The following FASTKD2 variants were observed in gnomAD, a reference collection of about 807,000 sequenced individuals.
FASTKD2 encodes the protein FAST kinase domains 2, also known as FAST kinase domain-containing protein 2, mitochondrial.
FASTKD2 carries 51 observed loss-of-function variants against 63.6 expected under a neutral mutation model. That is an observed-to-expected ratio of 0.80 (90% CI 0.64 to 1.01). The LOEUF is 1.01. Among genes scored for constraint, FASTKD2 ranks in the 50% least tolerant of loss-of-function variants. FASTKD2 has a pLI of 0.00. For synonymous variants in FASTKD2, 284 were observed against 293.4 expected, an observed-to-expected ratio of 0.97 and a Z score of 0.33; for missense variants, 786 against 831.1, an observed-to-expected ratio of 0.95 and a Z score of 0.67.
At chr2:206,788,754 A>T in intron 9 of FASTKD2, 65 bp from the exon 10 acceptor site, 2 of 831,380 alleles carry the variant, frequency 2.4e-6, no homozygotes, top group Non-Finnish European at 3.9e-6. Flanking sequence ...AAAAAGGAAA[A>T]GAAAAGAAAA....
At chr2:206,771,523 A>G (rs1315569453) in intron 4 of FASTKD2, among the ~76,000 whole-genome samples, 1 of 152,010 alleles carries the variant, frequency 6.6e-6, no homozygotes, top group Admixed American at 6.6e-5. Context: ...TTGTTTAAAA[A>G]TAAATGTTTA....
At chr2:206,790,805 A>G (rs1407425160) in intron 11 of FASTKD2, 119 bp downstream of exon 11, 1 of 745,138 alleles carries the variant, frequency 1.3e-6, no homozygotes, top group Non-Finnish European at 2.5e-6. Flanking sequence ...CATTATTGGA[A>G]TGAGTGCTTT....
At chr2:206,783,941 C>T (rs1009740351) in intron 7 of FASTKD2, among the ~76,000 whole-genome samples, 3 of 152,110 alleles carry the variant, frequency 2.0e-5, no homozygotes, top group Non-Finnish European at 2.9e-5. Context: ...CCAGGGGTGC[C>T]GCTAACATCC....
rs772888524 is a variant in FASTKD2 at position 206,788,908 on chromosome 2, C to T, written c.1898+5C>T. 2 of 1,452,224 alleles carry T rather than the reference C, an allele frequency of 1.4e-6. No homozygotes were observed. Among genetic ancestry groups the T allele is most frequent in the Non-Finnish European group, 1.9e-6 (2 of 1,033,070 alleles). 90.0% of individuals were successfully genotyped at this position (1,452,224 alleles called of 1,614,324 possible). A position where few individuals can be genotyped will look rare whatever the true frequency, so the allele number is the denominator to read the frequency against. The stretch of plus-strand genomic sequence containing the variant: ...TTCTGCTACAGATATTCAAAGGTTG[C>T]TTACATATATTTCATTTGCTGGGCT... On this transcript the variant is annotated splice_donor_5th_base_variant and intron_variant, in intron 10 of 11. Transcript: ENST00000402774.
In FASTKD2 at chr2:206,787,975, A is replaced by G. The variant is rs948481381; in HGVS notation, c.1633A>G (p.Thr545Ala). 1 of 1,612,766 alleles carries G rather than the reference A, an allele frequency of 6.2e-7. No individual in the cohort carries two copies. Among genetic ancestry groups the G allele is most frequent in the African/African-American group, 1.3e-5 (1 of 74,868 alleles). The change falls in exon 9 of 12, where the codon ACT becomes GCT. Residue 545 changes from threonine to alanine, a missense_variant. Coordinates refer to ENST00000402774, the MANE Select transcript of FASTKD2 (RefSeq NM_001136193.2). ...TGCTTACAAGCTGCATACTTTGGAT[A>G]CTTGTCTAAAACTTGATGATACTGT... ...KNAYKLHTLD[T>A]CLKLDDTVYL...
chr2:206,767,130 C>A lies in FASTKD2; in HGVS notation c.437C>A (p.Thr146Asn). The change falls in exon 2 of 12, where the codon ACC becomes AAC. Residue 146 changes from threonine (T) to asparagine (N), a missense_variant. Transcript: ENST00000402774. ...GAAGTCTCCAATGAAGATGTTCTTA[C>A]CAAGGAAACAAAACCAAACCGTATC... ...NHEVSNEDVLTKETKPNRISS... is the reference protein window; with the variant it reads ...NHEVSNEDVLNKETKPNRISS... The A allele has an allele frequency of 6.2e-7, 1 of 1,614,008 alleles. No homozygotes were observed.
chr2:206,781,784 A>C (rs1032977613), intron 7 of FASTKD2, among the ~76,000 whole-genome samples: 7 of 149,838 alleles, frequency 4.7e-5, no homozygotes, highest in African/African-American at 1.7e-4. Context: ...CCTTCGCTGT[A>C]GAGAAGCCTT....
intron 7 of FASTKD2, among the ~76,000 whole-genome samples, chr2:206,784,220 A>G (rs952616735): frequency 5.3e-5 from 8 of 152,256 alleles, no homozygotes; most frequent in African/African-American, 1.9e-4. Context: ...ATTTATGAGA[A>G]CAACTCTGTT....
At position 206,788,037 on chromosome 2, in the gene FASTKD2, G is replaced by A; in HGVS notation, c.1695G>A (p.Leu565=). ...LRDIALSLPQ[L]PRELPSSHTN... ...ACATAGCCTTGTCACTCCCACAGCT[G>A]CCGCGGGAGCTGCCATCGTCACATA... The change falls in exon 9 of 12, where the codon CTG becomes CTA. Residue 565 remains leucine, a synonymous_variant. Coordinates refer to ENST00000402774, the MANE Select transcript of FASTKD2 (RefSeq NM_001136193.2). 3.1e-6 allele frequency: 5 copies of A among 1,613,352 alleles called. No individual in the cohort carries two copies. Among genetic ancestry groups the A allele is most frequent in the Non-Finnish European group, 4.2e-6 (5 of 1,179,400 alleles).
At chr2:206,790,783 A>G (rs1374720929) in intron 11 of FASTKD2, 97 bp downstream of exon 11, 4 of 785,428 alleles carry the variant, frequency 5.1e-6, no homozygotes, top group African/African-American at 1.7e-5. Context: ...CTAGGACTAG[A>G]GGAATTGTCA....
intron 7 of FASTKD2, among the ~76,000 whole-genome samples, chr2:206,775,615 C>T (rs567995816): frequency 6.6e-6 from 1 of 151,534 alleles, no homozygotes; most frequent in Non-Finnish European, 1.5e-5. Flanking sequence ...ATTTTGGTAT[C>T]AGGGTAATAC....
At chr2:206,767,616 T>C (rs1472273732) in intron 2 of FASTKD2, 146 bp downstream of exon 2, 3 of 712,474 alleles carry the variant, frequency 4.2e-6, no homozygotes, top group East Asian at 2.7e-5. Flanking sequence ...ATATATATTA[T>C]ATGATTTAGA....
intron 7 of FASTKD2, among the ~76,000 whole-genome samples, chr2:206,776,310 A>G (rs1179856954): frequency 1.3e-5 from 2 of 151,884 alleles, no homozygotes; most frequent in Non-Finnish European, 2.9e-5. Flanking sequence ...ATTTTCTCCC[A>G]TTCTGTAGGT....
intron 2 of FASTKD2, among the ~76,000 whole-genome samples, chr2:206,767,963 G>A (rs534549018): frequency 1.3e-5 from 2 of 152,330 alleles, no homozygotes; most frequent in Admixed American, 1.3e-4. Context: ...GTAGTTTGGT[G>A]TAGCTGAAGC....
chr2:206,786,744 A>G lies in FASTKD2; in HGVS notation c.1439A>G (p.Glu480Gly). ...YKCQNKEQFV[E>G]VMASALTGYL... ...TCTTTGTTCCCCAGACAGTTCGTGGAAGTTATGGCTAGTGCTCTGACTGGT... is the reference window on the plus strand; with the variant it reads ...TCTTTGTTCCCCAGACAGTTCGTGGGAGTTATGGCTAGTGCTCTGACTGGT... The change falls in exon 8 of 12, where the codon GAA becomes GGA. Residue 480 changes from glutamate to glycine, a missense_variant. Glu to Gly is a moderately conservative substitution (Grantham distance 98). Transcript: ENST00000402774. 2 of 1,613,884 alleles carry G rather than the reference A, an allele frequency of 1.2e-6. No homozygotes were observed. Among genetic ancestry groups the G allele is most frequent in the Non-Finnish European group, 1.7e-6 (2 of 1,179,794 alleles).
Position 206,787,970 on chromosome 2 carries a change from T to C in FASTKD2, c.1628T>C (p.Leu543Ser), listed in dbSNP as rs917017985. ...AAGAATGCTTACAAGCTGCATACTT[T>C]GGATACTTGTCTAAAACTTGATGAT... ...DMKNAYKLHTLDTCLKLDDTV... is the reference protein window; with the variant it reads ...DMKNAYKLHTSDTCLKLDDTV... Residue 543 changes from leucine (L) to serine (S), a missense_variant, in exon 9 of 12, where the codon TTG becomes TCG. Physicochemically the swap from Leu to Ser is moderately radical, Grantham distance 145 (BLOSUM62 -2). Coordinates refer to ENST00000402774, the MANE Select transcript of FASTKD2 (RefSeq NM_001136193.2). 6 of 1,612,564 alleles carry C rather than the reference T, an allele frequency of 3.7e-6. No homozygotes were observed. The highest frequency in any genetic ancestry group is 5.1e-6 in the Non-Finnish European group (6 of 1,178,616).
chr2:206,790,252 A>C (rs190860608), intron 10 of FASTKD2: 417 of 306,620 alleles, frequency 1.4e-3, no homozygotes, highest in Non-Finnish European at 2.2e-3. Flanking sequence ...TTATACTCAG[A>C]TCAGAAATCA....
intron 7 of FASTKD2, chr2:206,783,113 A>G (rs545481401): frequency 1.0e-4 from 16 of 152,568 alleles, no homozygotes; most frequent in Non-Finnish European, 1.3e-4. Flanking sequence ...CAGTTAATCA[A>G]TTAAGTGGTG....
chr2:206,783,089 C>G (rs981042022), intron 7 of FASTKD2: 1 of 152,176 alleles, frequency 6.6e-6, no homozygotes, highest in African/African-American at 2.4e-5. Context: ...AGTCAAATGC[C>G]CATCCCTTAG....
Sources: gnomAD v4.1 joint callset for allele counts (sites outside exome capture counted in the v4.1 genomes callset) on GRCh38, gnomAD v4.1.1 for gene constraint, MANE v1.5 for transcripts, NCBI Gene and HGNC (gene_info 2026-07-23, HGNC 2026-07-21) for gene names.